Variants in KIAA0319 observed in about 807,000 individuals in gnomAD.
The protein encoded by KIAA0319 is dyslexia-associated protein KIAA0319.
Under a neutral mutation model 108.4 loss-of-function variants are expected in KIAA0319, and 83 were observed. The observed-to-expected ratio is 0.77, with a 90% CI of 0.64 to 0.92. KIAA0319 has a LOEUF of 0.92. KIAA0319 is among the 40% of genes least tolerant of loss of function. The probability of loss-of-function intolerance (pLI) is 0.00; values close to 1 mark genes in which losing one functional copy is unlikely to be tolerated. For synonymous variants in KIAA0319, 484 were observed against 510.4 expected (o/e 0.95, Z 0.70); for missense variants, 1,195 against 1,322.4 (o/e 0.90, Z 1.49).
intron 16 of KIAA0319, among the ~76,000 whole-genome samples, chr6:24,562,696 C>T (rs755364416): frequency 1.4e-4 from 22 of 151,974 alleles, no homozygotes; most frequent in Non-Finnish European, 2.9e-4. Flanking sequence ...AGAAATTAGC[C>T]GGGTATAGTG....
chr6:24,588,880 C>T (rs887885675), intron 3 of KIAA0319, 95 bp from the exon 4 acceptor site: 1 of 1,030,760 alleles, frequency 9.7e-7, no homozygotes, highest in Non-Finnish European at 1.4e-6. Flanking sequence ...CATAAATTAG[C>T]TTTGGTAATG....
intron 17 of KIAA0319, among the ~76,000 whole-genome samples, 165 bp downstream of exon 17, chr6:24,558,848 G>A (rs1417967032): frequency 6.6e-6 from 1 of 152,212 alleles, no homozygotes; most frequent in Non-Finnish European, 1.5e-5. Flanking sequence ...ACCAAGAGTA[G>A]TTGGCAAATG....
chr6:24,611,845 G>C (rs1772359237), intron 1 of KIAA0319, among the ~76,000 whole-genome samples: 1 of 152,016 alleles, frequency 6.6e-6, no homozygotes, highest in African/African-American at 2.4e-5. Context: ...CTTGAGCCTA[G>C]CATTTCAAGA....
At chr6:24,553,294 TACACACACACACACACACACAC>T (rs71544276) in intron 19 of KIAA0319, among the ~76,000 whole-genome samples, 2 of 91,064 alleles carry the variant, frequency 2.2e-5, no homozygotes, top group African/African-American at 4.8e-5. Flanking sequence ...TATATATATA[TACACACACACACACACACACAC>T]ACACACACAC....
chr6:24,570,754 G>A (rs1054127009), intron 11 of KIAA0319, among the ~76,000 whole-genome samples: 3 of 151,980 alleles, frequency 2.0e-5, no homozygotes, highest in South Asian at 2.1e-4. Flanking sequence ...GGGAGGGGAC[G>A]TTGATGTGAA....
intron 1 of KIAA0319, among the ~76,000 whole-genome samples, chr6:24,604,874 CTT>C (rs1562049670): frequency 1.3e-5 from 2 of 152,038 alleles, no homozygotes; most frequent in Admixed American, 6.6e-5. Context: ...GAGTTTCGCT[CTT>C]GTCACCCAGG....
In KIAA0319 at chr6:24,556,972, C is replaced by T. The variant is rs539391004; in HGVS notation, c.2735-243G>A. Reference sequence around the variant, plus strand: ...AAAAGCCTTAAAAATATTGGGAGGCCGAGGTGGGCAGATCACAAGGTCAGG... The same window carrying T: ...AAAAGCCTTAAAAATATTGGGAGGCTGAGGTGGGCAGATCACAAGGTCAGG... On this transcript the variant is annotated intron_variant, in intron 17 of 20. Transcript: ENST00000378214. Among the ~76,000 whole-genome samples the T allele has an allele frequency of 2.3e-3, 354 of 152,192 alleles. 2 individuals carry two copies. Among genetic ancestry groups the T allele is most frequent in the Non-Finnish European group, 4.2e-3 (283 of 68,006 alleles).
intron 2 of KIAA0319, among the ~76,000 whole-genome samples, chr6:24,597,390 G>A (rs1456807355): frequency 6.6e-6 from 1 of 152,174 alleles, no homozygotes; most frequent in African/African-American, 2.4e-5. Context: ...TTTTCAGTGT[G>A]GCTGGAGGTG....
In KIAA0319 at chr6:24,570,007, G is replaced by A. The variant is rs553636749; in HGVS notation, c.1887C>T (p.Ala629=). The A allele has an allele frequency of 9.4e-5, 152 of 1,613,842 alleles. 4 individuals carry two copies. In the South Asian group the frequency reaches 1.2e-3, roughly 13 times the overall value. The change falls in exon 12 of 21, where the codon GCC becomes GCT. Residue 629 remains alanine (A), a synonymous_variant. Transcript: ENST00000378214. ...PENNRPPVAV[A]GPDKELIFPV... is the part of the protein sequence containing the mutation. ...GGAAGATCAGCTCTTTATCAGGGCC[G>A]GCCACAGCCACTGGAGGTCTATTGT...
rs115819337 is a variant in KIAA0319, at chr6:24,576,700, G to A, written c.1506-104C>T. On this transcript the variant is annotated intron_variant, in intron 9 of 20. Transcript: ENST00000378214. ...TGTGGGAAGCTGAGGTGGGAGGATCGCTTGAGCCCAGGAGTTCTGAGACCA... is the reference window on the plus strand; with the variant it reads ...TGTGGGAAGCTGAGGTGGGAGGATCACTTGAGCCCAGGAGTTCTGAGACCA... 8,849 of 889,128 alleles carry A rather than the reference G, an allele frequency of 1.0e-2. 332 individuals are homozygous for A. In the African/African-American group the frequency reaches 0.1, roughly 10 times the overall value. 55.1% of individuals were successfully genotyped at this position (889,128 alleles called of 1,614,324 possible). A position where few individuals can be genotyped will look rare whatever the true frequency, so the allele number is the denominator to read the frequency against.
rs768997355 is a variant in KIAA0319 at position 24,583,612 on chromosome 6, G to T, written c.1085C>A (p.Pro362Gln). The change falls in exon 5 of 21, where the codon CCA becomes CAA. Residue 362 changes from proline to glutamine, a missense_variant. Coordinates refer to ENST00000378214, the MANE Select transcript of KIAA0319 (RefSeq NM_014809.4). ...VELKAFVAPA[P>Q]PVETTYNYEW... is the part of the protein sequence containing the mutation. ...GAAGGTTAAACTCTCACCTACAGGT[G>T]GCGCTGGCGCAACAAAGGCCTTCAG... The T allele has an allele frequency of 2.0e-5, 32 of 1,611,668 alleles. No individual in the cohort carries two copies. The highest frequency in any genetic ancestry group is 2.7e-5 in the Non-Finnish European group (32 of 1,178,008).
intron 17 of KIAA0319, 76 bp downstream of exon 17, chr6:24,558,937 C>T: frequency 1.5e-6 from 2 of 1,373,034 alleles, no homozygotes; most frequent in Admixed American, 4.9e-5. Flanking sequence ...TCACATGTCA[C>T]TCCTCTTCTA....
intron 1 of KIAA0319, among the ~76,000 whole-genome samples, chr6:24,618,176 T>C (rs1773429553): frequency 6.6e-6 from 1 of 152,086 alleles, no homozygotes; most frequent in South Asian, 2.1e-4. Flanking sequence ...TTTGGCTTAA[T>C]AAACCCCAGG....
chr6:24,644,831 T>C (rs1777411274), intron 1 of KIAA0319, among the ~76,000 whole-genome samples: 1 of 152,208 alleles, frequency 6.6e-6, no homozygotes, highest in Admixed American at 6.5e-5. Flanking sequence ...AGGTAATATG[T>C]TTACATTTCC....
chr6:24,587,438 G>A (rs954646624), intron 4 of KIAA0319, among the ~76,000 whole-genome samples: 3 of 151,746 alleles, frequency 2.0e-5, no homozygotes, highest in Non-Finnish European at 2.9e-5. Flanking sequence ...CCACCACCAC[G>A]TCTGGCTAAT....
chr6:24,577,587 A>G (rs79694173), intron 9 of KIAA0319, among the ~76,000 whole-genome samples: 1,624 of 152,350 alleles, frequency 0.011, 33 homozygotes, highest in African/African-American at 0.036. Flanking sequence ...ATCAATAGGC[A>G]TATGACAATG....
At chr6:24,541,850 T>G (rs1760203348), downstream of KIAA0319, among the ~76,000 whole-genome samples, 1 of 152,080 alleles carries the variant, frequency 6.6e-6, no homozygotes, top group Non-Finnish European at 1.5e-5. Flanking sequence ...TAAATGCCTT[T>G]ATTTTCTGGC....
At chr6:24,563,768 G>A (rs1353914137) in intron 15 of KIAA0319, among the ~76,000 whole-genome samples, 1 of 152,048 alleles carries the variant, frequency 6.6e-6, no homozygotes, top group East Asian at 1.9e-4. Context: ...TTAGCCTCTG[G>A]GCTAGCTGAA....
chr6:24,624,965 TGAGG>T (rs767628522), intron 1 of KIAA0319, among the ~76,000 whole-genome samples: 18 of 152,336 alleles, frequency 1.2e-4, no homozygotes, highest in Admixed American at 5.9e-4. Flanking sequence ...CTCAGGAGGC[TGAGG>T]GAGGAAGATG....
Sources: allele counts gnomAD v4.1 joint callset (sites outside exome capture counted in the v4.1 genomes callset), GRCh38; gene constraint gnomAD v4.1.1; transcripts MANE v1.5; gene names NCBI Gene and HGNC (gene_info 2026-07-23, HGNC 2026-07-21).